CNTN4: variants seen among roughly 807,000 people sequenced by gnomAD.
CNTN4 encodes contactin-4.
Under a neutral mutation model 122.5 loss-of-function variants are expected in CNTN4, and 77 were observed. That is an observed-to-expected ratio of 0.63 (90% CI 0.52 to 0.76). The LOEUF (loss-of-function observed/expected upper bound fraction) is 0.76. CNTN4 is among the 30% of genes least tolerant of loss of function. The pLI is 0.00. For missense variants in CNTN4, 1,256 were observed against 1,259.1 expected (o/e 1.00, Z 0.04); for synonymous variants, 512 against 447.0 (o/e 1.15, Z -1.83).
At chr3:3,038,802 G>A (rs766212031) in intron 18 of CNTN4, 131 bp from the exon 19 acceptor site, 19 of 694,212 alleles carry the variant, frequency 2.7e-5, no homozygotes, top group Non-Finnish European at 4.4e-5. Context: ...CAATGCTGTT[G>A]CTGATCTCCA....
chr3:2,922,112 G>A (rs1393467226), intron 12 of CNTN4, among the ~76,000 whole-genome samples: 1 of 152,144 alleles, frequency 6.6e-6, no homozygotes. Context: ...CAGCAAATAA[G>A]GAGCTCCCAG....
intron 3 of CNTN4, among the ~76,000 whole-genome samples, chr3:2,514,769 C>T (rs1257056850): frequency 6.6e-6 from 1 of 152,202 alleles, no homozygotes; most frequent in Non-Finnish European, 1.5e-5. Flanking sequence ...TCTAACTGGG[C>T]ATTCATGCCT....
intron 3 of CNTN4, among the ~76,000 whole-genome samples, chr3:2,350,188 C>A (rs1217092955): frequency 6.6e-6 from 1 of 152,084 alleles, no homozygotes; most frequent in East Asian, 1.9e-4. Flanking sequence ...AAAGGAGAGC[C>A]ATAGTCACAG....
chr3:2,793,904 A>G (rs1423219156), intron 6 of CNTN4, among the ~76,000 whole-genome samples: 1 of 152,058 alleles, frequency 6.6e-6, no homozygotes, highest in Non-Finnish European at 1.5e-5. Context: ...AGAATGAATC[A>G]CTCAAATTCC....
intron 14 of CNTN4, among the ~76,000 whole-genome samples, chr3:3,006,923 T>C (rs1285119400): frequency 6.6e-6 from 1 of 152,206 alleles, no homozygotes; most frequent in African/African-American, 2.4e-5. Flanking sequence ...ATTGTGTTTG[T>C]ATTCCTTTTG....
At chr3:2,116,273 C>G (rs2033344415) in intron 2 of CNTN4, among the ~76,000 whole-genome samples, 1 of 152,120 alleles carries the variant, frequency 6.6e-6, no homozygotes, top group Non-Finnish European at 1.5e-5. Context: ...GCATACATCT[C>G]AAAGCTTAGA....
chr3:2,589,527 T>C (rs1241043583), intron 4 of CNTN4, among the ~76,000 whole-genome samples: 2 of 152,194 alleles, frequency 1.3e-5, no homozygotes, highest in African/African-American at 4.8e-5. Context: ...GATATCTGAA[T>C]TGTGCAGGCA....
intron 23 of CNTN4, among the ~76,000 whole-genome samples, chr3:3,046,698 T>C (rs902856358): frequency 6.6e-6 from 1 of 151,990 alleles, no homozygotes; most frequent in Admixed American, 6.6e-5. Flanking sequence ...AGACCATTGA[T>C]GCTAGGAAGA....
chr3:2,878,823 A>G (rs1314426224), intron 8 of CNTN4, among the ~76,000 whole-genome samples: 1 of 152,218 alleles, frequency 6.6e-6, no homozygotes, highest in Non-Finnish European at 1.5e-5. Context: ...CACTAAACAC[A>G]TGAATAAACA....
At chr3:2,500,350 G>A (rs2076563771) in intron 3 of CNTN4, among the ~76,000 whole-genome samples, 1 of 151,914 alleles carries the variant, frequency 6.6e-6, no homozygotes, top group South Asian at 2.1e-4. Flanking sequence ...TAATTGTGTA[G>A]ATTTCTCAAA....
intron 4 of CNTN4, among the ~76,000 whole-genome samples, chr3:2,626,584 T>G (rs6794486): frequency 0.11 from 17,033 of 152,054 alleles, 1,616 homozygotes; most frequent in African/African-American, 0.26. Flanking sequence ...TTATATCATT[T>G]AAGAGGGAAA....
At chr3:2,219,556 C>T (rs949018457) in intron 2 of CNTN4, among the ~76,000 whole-genome samples, 1 of 152,166 alleles carries the variant, frequency 6.6e-6, no homozygotes, top group Non-Finnish European at 1.5e-5. Flanking sequence ...CAAACAACCT[C>T]TCCTAGAGTT....
chr3:2,110,580 T>G (rs1402467607), intron 2 of CNTN4: 1 of 152,244 alleles, frequency 6.6e-6, no homozygotes, highest in Non-Finnish European at 1.5e-5. Context: ...TATTATAATC[T>G]TTCGCTTTGG....
chr3:2,366,471 T>G (rs2045382294), intron 3 of CNTN4, among the ~76,000 whole-genome samples: 1 of 152,148 alleles, frequency 6.6e-6, no homozygotes, highest in South Asian at 2.1e-4. Flanking sequence ...CTCACACCTG[T>G]AATCCCAGCA....
chr3:2,575,914 C>T (rs961606067), intron 4 of CNTN4, among the ~76,000 whole-genome samples: 5 of 147,250 alleles, frequency 3.4e-5, no homozygotes, highest in African/African-American at 1.3e-4. Flanking sequence ...CTCCACCTAT[C>T]GGGTCCACAC....
At chr3:2,497,880 G>A (rs936320613) in intron 3 of CNTN4, among the ~76,000 whole-genome samples, 3 of 151,570 alleles carry the variant, frequency 2.0e-5, no homozygotes, top group Non-Finnish European at 4.4e-5. Flanking sequence ...CAATATGATC[G>A]GCACCACATA....
At chr3:2,863,697 G>T (rs991529705) in intron 7 of CNTN4, among the ~76,000 whole-genome samples, 3 of 152,056 alleles carry the variant, frequency 2.0e-5, no homozygotes, top group African/African-American at 7.2e-5. Flanking sequence ...TTAGATGGTT[G>T]TGGTGGTGGT....
At chr3:2,240,203 T>A (rs945743184) in intron 2 of CNTN4, among the ~76,000 whole-genome samples, 1 of 152,334 alleles carries the variant, frequency 6.6e-6, no homozygotes, top group Middle Eastern at 3.4e-3. Context: ...TCTGGCCATT[T>A]AAAAAACTAA....
intron 2 of CNTN4, among the ~76,000 whole-genome samples, chr3:2,317,317 T>G (rs1261211034): frequency 6.6e-6 from 1 of 152,198 alleles, no homozygotes; most frequent in Non-Finnish European, 1.5e-5. Flanking sequence ...CATTAATTTA[T>G]GCAAGGACCA....
Sources: allele counts gnomAD v4.1 joint callset (sites outside exome capture counted in the v4.1 genomes callset), GRCh38; gene constraint gnomAD v4.1.1; transcripts MANE v1.5; gene names NCBI Gene and HGNC (gene_info 2026-07-23, HGNC 2026-07-21).